Variants in ZCCHC10 observed in about 807,000 individuals in gnomAD.
ZCCHC10 encodes zinc finger CCHC domain-containing protein 10.
In ZCCHC10, 16 loss-of-function variants were observed where a neutral mutation model predicts 19.5. The ratio of observed to expected loss-of-function variants is 0.82; its 90% CI spans 0.56 to 1.25. The LOEUF is 1.25. Ranked by LOEUF, ZCCHC10 falls within the 50% of genes most tolerant of loss-of-function variation. ZCCHC10 has a pLI of 0.00. For missense variants in ZCCHC10, 197 were observed against 201.0 expected (o/e 0.98, Z 0.12); for synonymous variants, 67 against 72.5 (o/e 0.92, Z 0.38).
intron 3 of ZCCHC10, among the ~76,000 whole-genome samples, chr5:133,004,373 C>T (rs988127616): frequency 2.0e-5 from 3 of 152,108 alleles, no homozygotes; most frequent in African/African-American, 7.2e-5. Context: ...GGGGTTTCTC[C>T]ATGTTGGTCA....
chr5:133,019,876 C>T (rs1175889230), intron 2 of ZCCHC10, among the ~76,000 whole-genome samples: 2 of 150,670 alleles, frequency 1.3e-5, no homozygotes, highest in African/African-American at 2.4e-5. Context: ...TGCTTGAATC[C>T]CAGAGGCAGA....
chr5:133,024,508 G>A (rs573148680), intron 1 of ZCCHC10, among the ~76,000 whole-genome samples: 7 of 152,320 alleles, frequency 4.6e-5, no homozygotes, highest in African/African-American at 1.2e-4. Context: ...AGCCAACAAC[G>A]AAAGAGCAAG....
intron 3 of ZCCHC10, among the ~76,000 whole-genome samples, chr5:133,004,669 T>A (rs1312931052): frequency 6.6e-6 from 1 of 151,510 alleles, no homozygotes. Flanking sequence ...TTTGTATCTT[T>A]TTAGTAGAGA....
At position 133,019,122 on chromosome 5, in the gene ZCCHC10, GC is replaced by G. The variant is rs752740247; in HGVS notation, c.107+3718del. The G allele has an allele frequency of 1.2e-4, 52 of 448,148 alleles. 1 individual carries two copies. Among genetic ancestry groups the G allele is most frequent in the South Asian group, 8.2e-4 (52 of 63,738 alleles). 27.8% of individuals were successfully genotyped at this position (448,148 alleles called of 1,614,324 possible). ...TATGAGGCTGGACGCAGTGGCTCAC[GC>G]CTATAATCCTGGCACTTTGAGAGGC... On this transcript the variant is annotated intron_variant, in intron 2 of 4. Transcript: ENST00000509437.
chr5:133,006,003 G>A (rs1193599951), intron 3 of ZCCHC10, among the ~76,000 whole-genome samples: 2 of 31,232 alleles, frequency 6.4e-5, no homozygotes, highest in African/African-American at 2.3e-4. Flanking sequence ...TTTTTTTTTT[G>A]AGACAGAGTC....
At chr5:133,000,250 C>A (rs775215080) in intron 3 of ZCCHC10, 77 bp from the exon 4 acceptor site, 2 of 1,507,118 alleles carry the variant, frequency 1.3e-6, no homozygotes, top group East Asian at 4.5e-5. Context: ...TTCTACTATC[C>A]CCCAAATCAT....
intron 3 of ZCCHC10, among the ~76,000 whole-genome samples, chr5:133,001,420 AAG>A (rs1234659097): frequency 6.6e-6 from 1 of 151,716 alleles, no homozygotes; most frequent in Non-Finnish European, 1.5e-5. Context: ...CAACAACAAC[AAG>A]AAAAAAACAA....
At chr5:133,012,209 T>C (rs1763601005) in intron 2 of ZCCHC10, among the ~76,000 whole-genome samples, 1 of 149,756 alleles carries the variant, frequency 6.7e-6, no homozygotes, top group South Asian at 2.1e-4. Context: ...GGCTCACGCC[T>C]GTAATCCCAG....
intron 2 of ZCCHC10, among the ~76,000 whole-genome samples, chr5:133,009,392 C>T (rs1007922849): frequency 2.6e-4 from 40 of 151,570 alleles, no homozygotes; most frequent in African/African-American, 9.4e-4. Flanking sequence ...CTGAGGTGGG[C>T]GGATTGCTTG....
chr5:132,998,432 C>T lies in ZCCHC10; in HGVS notation c.*151G>A. ...CTCTCTATAAGCCATTATTAATATT[C>T]TCTATGCTCTTACAATGTAAAACAT... On this transcript the variant is annotated 3_prime_UTR_variant, in exon 5 of 5. Coordinates refer to ENST00000509437, the MANE Select transcript of ZCCHC10 (RefSeq NM_001300816.3). 1 of 666,142 alleles carries T rather than the reference C, an allele frequency of 1.5e-6. No individual in the cohort carries two copies. Among genetic ancestry groups the T allele is most frequent in the Middle Eastern group, 3.0e-4 (1 of 3,318 alleles). The allele number at this position is 666,142 out of a possible 1,614,324, so 41.3% of individuals were successfully genotyped here.
chr5:133,008,364 C>G (rs535169032), intron 2 of ZCCHC10, among the ~76,000 whole-genome samples: 4 of 149,840 alleles, frequency 2.7e-5, no homozygotes, highest in Admixed American at 1.3e-4. Context: ...ATGGTGAAAC[C>G]CTGTCTCTAC....
At chr5:133,021,184 C>A (rs1188152462) in intron 2 of ZCCHC10, among the ~76,000 whole-genome samples, 1 of 151,876 alleles carries the variant, frequency 6.6e-6, no homozygotes, top group Non-Finnish European at 1.5e-5. Flanking sequence ...CGTGAGCCAC[C>A]GCGCACGGCC....
rs1226503517 is a variant in ZCCHC10, at chr5:133,008,224, C to CA, written c.108-1305dup. Among the ~76,000 whole-genome samples, 324 of 68,440 alleles carry CA rather than the reference C, an allele frequency of 4.7e-3. 2 individuals carry two copies. Among genetic ancestry groups the CA allele is most frequent in the South Asian group, 0.014 (23 of 1,652 alleles). The allele number at this position is 68,440 out of a possible 152,430, so 44.9% of individuals were successfully genotyped here. ...TGGGTGACAGAGTGAGACTCTGTCT[C>CA]AAAAAAAAAAAAAAAAAAAGAATCA... On this transcript the variant is annotated intron_variant, in intron 2 of 4. Transcript: ENST00000509437.
intron 2 of ZCCHC10, among the ~76,000 whole-genome samples, chr5:133,020,369 G>C (rs55662118): frequency 0.31 from 46,975 of 151,808 alleles, 8,169 homozygotes; most frequent in African/African-American, 0.48. Flanking sequence ...ACTTGAGCCT[G>C]GGAGGCAGAG....
intron 2 of ZCCHC10, chr5:133,019,281 C>T (rs532787514): frequency 4.8e-6 from 1 of 206,198 alleles, no homozygotes; most frequent in African/African-American, 2.4e-5. Flanking sequence ...GTTTTAAACA[C>T]TCACAACTCA....
At chr5:133,014,464 C>G (rs936112586) in intron 2 of ZCCHC10, among the ~76,000 whole-genome samples, 1 of 152,190 alleles carries the variant, frequency 6.6e-6, no homozygotes, top group African/African-American at 2.4e-5. Flanking sequence ...CGCGCCCAGA[C>G]CTATTTATTC....
intron 1 of ZCCHC10, 84 bp from the exon 2 acceptor site, chr5:133,022,990 T>C (rs1764425433): frequency 2.4e-6 from 1 of 410,612 alleles, no homozygotes; most frequent in Non-Finnish European, 4.3e-6. Flanking sequence ...GAGGTCTGAC[T>C]TGATGACAAT....
At chr5:133,002,282 C>A (rs1762827827) in intron 3 of ZCCHC10, among the ~76,000 whole-genome samples, 1 of 151,796 alleles carries the variant, frequency 6.6e-6, no homozygotes. Context: ...TTAACAGAGC[C>A]AGATTCATGT....
chr5:133,004,914 A>T (rs964489856), intron 3 of ZCCHC10, among the ~76,000 whole-genome samples: 21 of 152,214 alleles, frequency 1.4e-4, no homozygotes, highest in African/African-American at 4.8e-4. Flanking sequence ...ATATGCCACA[A>T]GTCACATAAT....
Sources: allele counts gnomAD v4.1 joint callset (sites outside exome capture counted in the v4.1 genomes callset), GRCh38; gene constraint gnomAD v4.1.1; transcripts MANE v1.5; gene names NCBI Gene and HGNC (gene_info 2026-07-23, HGNC 2026-07-21).